Variants in CIPC observed in about 807,000 individuals in gnomAD.
CIPC encodes the protein CLOCK-interacting pacemaker.
In CIPC, 12 loss-of-function variants were observed where a neutral mutation model predicts 26.7. That is an observed-to-expected ratio of 0.45 (90% CI 0.29 to 0.73). The LOEUF is 0.73. Ranked by LOEUF, CIPC falls within the 30% of genes least tolerant of loss-of-function variation. CIPC has a pLI of 0.12. For synonymous variants in CIPC, 170 were observed against 189.8 expected (o/e 0.90, Z 0.86); for missense variants, 417 against 486.5 (o/e 0.86, Z 1.34).
In CIPC at chr14:77,114,878, C is replaced by T. The variant is rs1375638627; in HGVS notation, c.*560C>T. ...ACCTGGGTGTGAGCACTTAATCACT[C>T]AACGCTTTGTTTTCTTACACTTGAA... is the stretch of plus-strand genomic sequence containing the variant. On this transcript the variant is annotated 3_prime_UTR_variant, in exon 4 of 4. Coordinates refer to ENST00000361786, the MANE Select transcript of CIPC (RefSeq NM_033426.3). The T allele has an allele frequency of 2.0e-5, 3 of 153,376 alleles. No individual in the cohort carries two copies. The highest frequency in any genetic ancestry group is 4.4e-5 in the Non-Finnish European group (3 of 68,856). The allele number at this position is 153,376 out of a possible 1,614,324, so 9.5% of individuals were successfully genotyped here.
intron 2 of CIPC, among the ~76,000 whole-genome samples, chr14:77,109,561 G>A (rs941655683): frequency 6.6e-6 from 1 of 152,172 alleles, no homozygotes; most frequent in African/African-American, 2.4e-5. Flanking sequence ...GCAGGTTTTT[G>A]TCTGTAAGAG....
chr14:77,107,626 TTAC>T (rs1566804892), intron 2 of CIPC, among the ~76,000 whole-genome samples: 1 of 93,768 alleles, frequency 1.1e-5, no homozygotes, highest in African/African-American at 3.8e-5. Context: ...CTCGCTCTCT[TTAC>T]ACACACACAC....
Position 77,113,499 on chromosome 14 carries a change from C to A in CIPC, c.381C>A (p.Leu127=). 4.3e-6 allele frequency: 7 copies of A among 1,614,198 alleles called. No homozygotes were observed. The highest frequency in any genetic ancestry group is 5.9e-6 in the Non-Finnish European group (7 of 1,180,038). Residue 127 remains leucine, a synonymous_variant, in exon 4 of 4, where the codon CTC becomes CTA. Coordinates refer to ENST00000361786, the MANE Select transcript of CIPC (RefSeq NM_033426.3). ...AAGTGATCTCAGCACAGCCACAGCT[C>A]TTATTCCTTCATCCACCTGTACCAT... The part of the protein sequence containing the change: ...SFEVISAQPQ[L]LFLHPPVPSP...
chr14:77,098,411 G>C (rs1254668307), intron 1 of CIPC, 50 bp downstream of exon 1: 1 of 153,034 alleles, frequency 6.5e-6, no homozygotes, highest in African/African-American at 2.4e-5. Flanking sequence ...GGATGACGGC[G>C]GGAGAGGGAT....
intron 3 of CIPC, among the ~76,000 whole-genome samples, 175 bp downstream of exon 3, chr14:77,110,156 A>G (rs1354938078): frequency 6.6e-6 from 1 of 152,146 alleles, no homozygotes; most frequent in African/African-American, 2.4e-5. Context: ...CAAGTGTGAC[A>G]CTGTTTTAAA....
At chr14:77,099,871 C>T (rs1886443060) in intron 1 of CIPC, 1 of 152,162 alleles carries the variant, frequency 6.6e-6, no homozygotes, top group Admixed American at 6.5e-5. Flanking sequence ...GATCAAATAT[C>T]TGTTTCCTGC....
intron 2 of CIPC, 55 bp from the exon 3 acceptor site, chr14:77,109,757 G>C (rs957190699): frequency 6.6e-7 from 1 of 1,520,582 alleles, no homozygotes; most frequent in African/African-American, 1.4e-5. Context: ...TAGGAGCCTG[G>C]TTAAGAGCCC....
At chr14:77,112,359 A>G (rs1344072925) in intron 3 of CIPC, among the ~76,000 whole-genome samples, 1 of 152,210 alleles carries the variant, frequency 6.6e-6, no homozygotes, top group Non-Finnish European at 1.5e-5. Flanking sequence ...TTGAGGAGTA[A>G]TAAACAAAGG....
chr14:77,104,655 C>G (rs1886556083), intron 1 of CIPC, among the ~76,000 whole-genome samples: 1 of 152,180 alleles, frequency 6.6e-6, no homozygotes, highest in South Asian at 2.1e-4. Flanking sequence ...CTGGAACATG[C>G]CTTTCGCCTA....
At chr14:77,108,331 C>T (rs555793856) in intron 2 of CIPC, among the ~76,000 whole-genome samples, 1 of 152,280 alleles carries the variant, frequency 6.6e-6, no homozygotes, top group South Asian at 2.1e-4. Flanking sequence ...TATTCCCCAA[C>T]AAACTGTTTA....
At chr14:77,110,288 G>A (rs1337768247) in intron 3 of CIPC, among the ~76,000 whole-genome samples, 3 of 152,080 alleles carry the variant, frequency 2.0e-5, no homozygotes, top group Non-Finnish European at 1.5e-5. Context: ...AGCAGAAATG[G>A]CATCACTTCA....
Position 77,098,354 on chromosome 14 carries a change from G to A in CIPC, c.-60G>A, listed in dbSNP as rs989982279. On this transcript the variant is annotated 5_prime_UTR_variant, in exon 1 of 4. Transcript: ENST00000361786. ...AGGCCGGTCGTGGAGCTGCGACCCCGGCCCTAGGTGAGAAAGGGAGGGCTC... is the reference window on the plus strand; with the variant it reads ...AGGCCGGTCGTGGAGCTGCGACCCCAGCCCTAGGTGAGAAAGGGAGGGCTC... The A allele has an allele frequency of 1.3e-5, 2 of 152,722 alleles. No individual in the cohort carries two copies. Among genetic ancestry groups the A allele is most frequent in the African/African-American group, 4.8e-5 (2 of 41,456 alleles). The allele number at this position is 152,722 out of a possible 1,614,324, so 9.5% of individuals were successfully genotyped here.
In CIPC at chr14:77,099,627, G is replaced by T. The variant is rs139570082; in HGVS notation, c.-53+1266G>T. Among the ~76,000 whole-genome samples the T allele has an allele frequency of 6.2e-4, 95 of 152,254 alleles. 1 individual carries two copies. In the Middle Eastern group the frequency reaches 0.014, roughly 22 times the overall value. On this transcript the variant is annotated intron_variant, in intron 1 of 3. Transcript: ENST00000361786. ...GCTTTTACCTCACACTTCTGTCCAG[G>T]CACACATGTTATACACGTGACACAT...
chr14:77,110,089 G>A (rs1886664884), intron 3 of CIPC, 108 bp downstream of exon 3: 1 of 1,122,504 alleles, frequency 8.9e-7, no homozygotes, highest in Admixed American at 2.3e-5. Context: ...TTTAGAAACA[G>A]ACCATTAGAA....
rs961101648 is a variant in CIPC, at chr14:77,105,692, C to G, written c.-17C>G. ...ATGAAAAGAGTACCAATGAATCTGCCTCCAGCTGAATAAACCATGGAGAGG... is the reference window on the plus strand; with the variant it reads ...ATGAAAAGAGTACCAATGAATCTGCGTCCAGCTGAATAAACCATGGAGAGG... On this transcript the variant is annotated 5_prime_UTR_variant, in exon 2 of 4. Transcript: ENST00000361786. The G allele has an allele frequency of 6.2e-7, 1 of 1,611,836 alleles. No homozygotes were observed. The highest frequency in any genetic ancestry group is 8.5e-7 in the Non-Finnish European group (1 of 1,179,152).
At chr14:77,108,882 T>A (rs1402649059) in intron 2 of CIPC, among the ~76,000 whole-genome samples, 1 of 152,190 alleles carries the variant, frequency 6.6e-6, no homozygotes, top group Non-Finnish European at 1.5e-5. Flanking sequence ...TGTCTCAAAT[T>A]TGACCAGCAG....
At chr14:77,112,056 T>A (rs1164081596) in intron 3 of CIPC, among the ~76,000 whole-genome samples, 4 of 152,228 alleles carry the variant, frequency 2.6e-5, no homozygotes, top group African/African-American at 9.6e-5. Flanking sequence ...TGAACTGGCC[T>A]AAAGTTCCTA....
At chr14:77,111,677 C>G (rs1445434819) in intron 3 of CIPC, among the ~76,000 whole-genome samples, 1 of 152,174 alleles carries the variant, frequency 6.6e-6, no homozygotes, top group African/African-American at 2.4e-5. Flanking sequence ...TGTATTCCCT[C>G]AGGTGATTTC....
chr14:77,115,474 G>C lies in CIPC; in HGVS notation c.*1156G>C, dbSNP rs187182042. ...TTAGATATTGGCAACAAAGCCAGAG[G>C]TGTAATGTTGGTTATATGAAGTTCA... On this transcript the variant is annotated 3_prime_UTR_variant, in exon 4 of 4. Coordinates refer to ENST00000361786, the MANE Select transcript of CIPC (RefSeq NM_033426.3). 2.6e-5 allele frequency: 4 copies of C among 152,278 alleles called. No individual in the cohort carries two copies. The East Asian group carries it at 7.7e-4, about 29-fold the overall frequency. The allele number at this position is 152,278 out of a possible 1,614,324, so 9.4% of individuals were successfully genotyped here.
Sources: allele counts gnomAD v4.1 joint callset (sites outside exome capture counted in the v4.1 genomes callset), GRCh38; gene constraint gnomAD v4.1.1; transcripts MANE v1.5; gene names NCBI Gene and HGNC (gene_info 2026-07-23, HGNC 2026-07-21).